Variants in RHOJ observed in about 807,000 individuals in gnomAD.
RHOJ encodes ras homolog family member J.
RHOJ carries 11 observed loss-of-function variants against 23.4 expected under a neutral mutation model. The ratio of observed to expected loss-of-function variants is 0.47; its 90% CI spans 0.30 to 0.78. The LOEUF (loss-of-function observed/expected upper bound fraction) is 0.78. Ranked by LOEUF, RHOJ falls within the 30% of genes least tolerant of loss-of-function variation. The pLI is 0.08. For synonymous variants in RHOJ, 102 were observed against 102.7 expected (o/e 0.99, Z 0.04); for missense variants, 254 against 273.4 (o/e 0.93, Z 0.50).
intron 4 of RHOJ, among the ~76,000 whole-genome samples, chr14:63,289,007 C>CG (rs1882168061): frequency 6.6e-6 from 1 of 152,164 alleles, no homozygotes; most frequent in South Asian, 2.1e-4. Flanking sequence ...GACCCAGATT[C>CG]TGGGTCTATT....
Position 63,261,360 on chromosome 14 carries a change from A to G in RHOJ, c.179-7750A>G, listed in dbSNP as rs555291242. On this transcript the variant is annotated intron_variant, in intron 1 of 4. Coordinates refer to ENST00000316754, the MANE Select transcript of RHOJ (RefSeq NM_020663.5). Reference sequence around the variant, plus strand: ...TTTCTTTTTGATAACATCAAAAGTTATCTTTTCTATAGGACAGTAATCAGT... The same window carrying G: ...TTTCTTTTTGATAACATCAAAAGTTGTCTTTTCTATAGGACAGTAATCAGT... 3.5e-4 allele frequency among the ~76,000 whole-genome samples: 54 copies of G among 152,218 alleles called. No homozygotes were observed. In the South Asian group the frequency reaches 8.5e-3, roughly 24 times the overall value.
rs1594758797 is a variant in RHOJ at position 63,234,012 on chromosome 14, G to A, written c.178+28965G>A. ...GTGAACCCTGGGATTGGGCCGCACT[G>A]CACTACATGTCAGTCCCACACTCTC... On this transcript the variant is annotated intron_variant, in intron 1 of 4. Coordinates refer to ENST00000316754, the MANE Select transcript of RHOJ (RefSeq NM_020663.5). Among the ~76,000 whole-genome samples, 3 of 152,340 alleles carry A rather than the reference G, an allele frequency of 2.0e-5. No homozygotes were observed. The South Asian group carries it at 6.2e-4, about 32-fold the overall frequency.
At chr14:63,247,060 CA>C (rs1894988298) in intron 1 of RHOJ, among the ~76,000 whole-genome samples, 1 of 152,160 alleles carries the variant, frequency 6.6e-6, no homozygotes, top group Non-Finnish European at 1.5e-5. Context: ...AGTCTGGAAT[CA>C]GAAAGACATG....
At chr14:63,250,304 G>A in intron 1 of RHOJ, among the ~76,000 whole-genome samples, 1 of 152,102 alleles carries the variant, frequency 6.6e-6, no homozygotes, top group East Asian at 1.9e-4. Context: ...GAGTACAGTG[G>A]CCCGAACATG....
At chr14:63,241,715 A>G (rs1430102593) in intron 1 of RHOJ, among the ~76,000 whole-genome samples, 1 of 152,208 alleles carries the variant, frequency 6.6e-6, no homozygotes, top group Non-Finnish European at 1.5e-5. Context: ...CCTGCAGGGT[A>G]TCTGAAGGCG....
intron 1 of RHOJ, among the ~76,000 whole-genome samples, chr14:63,220,068 G>T (rs981489638): frequency 6.6e-6 from 1 of 152,060 alleles, no homozygotes; most frequent in African/African-American, 2.4e-5. Flanking sequence ...ATTATGCTGC[G>T]ATGCAAGGGG....
chr14:63,237,828 G>C (rs969844707), intron 1 of RHOJ, among the ~76,000 whole-genome samples: 3 of 151,300 alleles, frequency 2.0e-5, no homozygotes, highest in Non-Finnish European at 4.4e-5. Context: ...CATCACACCT[G>C]GTCTTGTTAT....
At chr14:63,269,292 A>G (rs1003398219) in intron 2 of RHOJ, 124 bp downstream of exon 2, 3 of 624,850 alleles carry the variant, frequency 4.8e-6, no homozygotes, top group Non-Finnish European at 8.4e-6. Context: ...GGGCCAATTT[A>G]TTGTCTGCCT....
chr14:63,244,857 A>G (rs1396526650), intron 1 of RHOJ, among the ~76,000 whole-genome samples: 1 of 152,254 alleles, frequency 6.6e-6, no homozygotes, highest in Non-Finnish European at 1.5e-5. Flanking sequence ...AGGTAGGCAA[A>G]GGCTTAGTTT....
chr14:63,210,772 T>C (rs1894218383), intron 1 of RHOJ, among the ~76,000 whole-genome samples: 1 of 152,246 alleles, frequency 6.6e-6, no homozygotes, highest in Non-Finnish European at 1.5e-5. Flanking sequence ...TTGAGTTAGA[T>C]TGTGTACATG....
chr14:63,249,746 T>C (rs1213940209), intron 1 of RHOJ, among the ~76,000 whole-genome samples: 3 of 152,198 alleles, frequency 2.0e-5, no homozygotes, highest in Non-Finnish European at 2.9e-5. Flanking sequence ...GTGGTTCTCA[T>C]CCTCGGCCAC....
chr14:63,292,786 A>G lies in RHOJ; in HGVS notation c.*1762A>G, dbSNP rs1025724519. The G allele has an allele frequency of 6.6e-6, 1 of 152,078 alleles. No individual in the cohort carries two copies. Among genetic ancestry groups the G allele is most frequent in the Non-Finnish European group, 1.5e-5 (1 of 68,014 alleles). 9.4% of individuals were successfully genotyped at this position (152,078 alleles called of 1,614,324 possible). ...TAATATAGTGAGATCCTGTGTCTCT[A>G]TAAAAAAATTAAAAATTAGTCAGTT... On this transcript the variant is annotated 3_prime_UTR_variant, in exon 5 of 5. Coordinates refer to ENST00000316754, the MANE Select transcript of RHOJ (RefSeq NM_020663.5).
chr14:63,276,002 T>A (rs948916257), intron 2 of RHOJ, among the ~76,000 whole-genome samples: 3 of 152,254 alleles, frequency 2.0e-5, no homozygotes, highest in Admixed American at 2.0e-4. Context: ...AGCCCAGGTG[T>A]GAGCCTTCTT....
intron 1 of RHOJ, among the ~76,000 whole-genome samples, chr14:63,242,377 T>A (rs566893010): frequency 6.6e-6 from 1 of 152,178 alleles, no homozygotes; most frequent in Admixed American, 6.6e-5. Context: ...CTGGGCACCA[T>A]GTAACATAGC....
intron 2 of RHOJ, among the ~76,000 whole-genome samples, chr14:63,276,588 T>C (rs1490185076): frequency 6.6e-6 from 1 of 152,180 alleles, no homozygotes; most frequent in Non-Finnish European, 1.5e-5. Flanking sequence ...AATGGAATGA[T>C]ACAGCAGGAC....
Position 63,291,094 on chromosome 14 carries a change from A to G in RHOJ, c.*70A>G. ...CAGCCAATCTCTGTGGCCAAGCTCCAGCCAAAAAGGAGGGCACGACCAGAA... is the reference window on the plus strand; with the variant it reads ...CAGCCAATCTCTGTGGCCAAGCTCCGGCCAAAAAGGAGGGCACGACCAGAA... On this transcript the variant is annotated 3_prime_UTR_variant, in exon 5 of 5. Transcript: ENST00000316754. The G allele has an allele frequency of 6.3e-7, 1 of 1,578,068 alleles. No homozygotes were observed. The highest frequency in any genetic ancestry group is 8.7e-7 in the Non-Finnish European group (1 of 1,152,174).
intron 1 of RHOJ, among the ~76,000 whole-genome samples, chr14:63,238,230 G>C (rs917138715): frequency 6.6e-6 from 1 of 152,146 alleles, no homozygotes; most frequent in African/African-American, 2.4e-5. Context: ...TGTTTTGTTT[G>C]CTTGTTTATT....
intron 2 of RHOJ, among the ~76,000 whole-genome samples, chr14:63,279,433 ACT>A (rs1016927357): frequency 2.6e-5 from 4 of 152,258 alleles, no homozygotes; most frequent in Non-Finnish European, 5.9e-5. Flanking sequence ...ACACAAAGTT[ACT>A]GTCTGTTTAT....
Position 63,204,949 on chromosome 14 carries a change from T to C in RHOJ, c.80T>C (p.Val27Ala). ...AAGAAGATGTTGAAGTGTGTGGTGG[T>C]GGGGGACGGTGCCGTGGGGAAAACC... The part of the protein sequence containing the change: ...DEKKMLKCVV[V>A]GDGAVGKTCL... Residue 27 changes from valine (V) to alanine (A), a missense_variant, in exon 1 of 5, where the codon GTG becomes GCG. Physicochemically the swap from Val to Ala is moderately conservative, Grantham distance 64. Coordinates refer to ENST00000316754, the MANE Select transcript of RHOJ (RefSeq NM_020663.5). The C allele has an allele frequency of 1.2e-6, 2 of 1,614,118 alleles. No individual in the cohort carries two copies. The highest frequency in any genetic ancestry group is 1.7e-6 in the Non-Finnish European group (2 of 1,180,014).
Sources: gnomAD v4.1 joint callset for allele counts (sites outside exome capture counted in the v4.1 genomes callset) on GRCh38, gnomAD v4.1.1 for gene constraint, MANE v1.5 for transcripts, NCBI Gene and HGNC (gene_info 2026-07-23, HGNC 2026-07-21) for gene names.